Variants in OPCML observed in about 807,000 individuals in gnomAD.
The protein encoded by OPCML is opioid binding protein/cell adhesion molecule like.
OPCML carries 13 observed loss-of-function variants against 37.8 expected under a neutral mutation model. The observed-to-expected ratio is 0.34, with a 90% CI of 0.22 to 0.55. The LOEUF (loss-of-function observed/expected upper bound fraction) is 0.55. Among genes scored for constraint, OPCML ranks in the 20% least tolerant of loss-of-function variants. The pLI is 0.91. For missense variants in OPCML, 341 were observed against 435.6 expected, an observed-to-expected ratio of 0.78 and a Z score of 1.93; for synonymous variants, 176 against 168.8, an observed-to-expected ratio of 1.04 and a Z score of -0.33.
intron 3 of OPCML, among the ~76,000 whole-genome samples, chr11:132,568,523 T>A (rs966387837): frequency 6.6e-6 from 1 of 152,114 alleles, no homozygotes; most frequent in African/African-American, 2.4e-5. Flanking sequence ...AGAGAGAAAT[T>A]TGGATGCAGA....
intron 3 of OPCML, among the ~76,000 whole-genome samples, chr11:132,605,321 G>A (rs374023231): frequency 1.1e-4 from 17 of 152,030 alleles, no homozygotes; most frequent in Middle Eastern, 3.4e-3. Context: ...ACTTTGGGAC[G>A]CCGAGGTGGG....
chr11:132,932,427 T>C (rs969873421), intron 2 of OPCML, among the ~76,000 whole-genome samples: 3 of 152,136 alleles, frequency 2.0e-5, no homozygotes, highest in African/African-American at 7.2e-5. Context: ...CCAAGTATAC[T>C]GATGTGAACC....
intron 1 of OPCML, among the ~76,000 whole-genome samples, chr11:133,496,631 A>G (rs1317695400): frequency 6.6e-6 from 1 of 152,104 alleles, no homozygotes; most frequent in East Asian, 1.9e-4. Flanking sequence ...TGTTAGGTAT[A>G]TTCCTAAGTA....
intron 2 of OPCML, chr11:132,771,732 G>T (rs567200410): frequency 6.6e-6 from 1 of 152,286 alleles, no homozygotes; most frequent in East Asian, 1.9e-4. Flanking sequence ...CAATGAAAAC[G>T]CACAGCATAT....
intron 1 of OPCML, among the ~76,000 whole-genome samples, chr11:133,313,135 C>T (rs1179743350): frequency 6.6e-6 from 1 of 152,184 alleles, no homozygotes; most frequent in East Asian, 1.9e-4. Flanking sequence ...ATGCGGTCTG[C>T]ATCCCCATCG....
intron 2 of OPCML, among the ~76,000 whole-genome samples, chr11:132,827,321 A>G (rs1940408524): frequency 1.3e-5 from 2 of 152,222 alleles, no homozygotes; most frequent in African/African-American, 4.8e-5. Context: ...AATGCTAAAC[A>G]TCATACGTCA....
At position 133,264,850 on chromosome 11, in the gene OPCML, C is replaced by T. The variant is rs191300823; in HGVS notation, c.61+267414G>A. On this transcript the variant is annotated intron_variant, in intron 1 of 7. Coordinates refer to ENST00000524381, the MANE Select transcript of OPCML (RefSeq NM_001012393.5). ...AATAGGGCATAGATCATTAAATAAA[C>T]TAAGTACTTTCGGAGGGAGGGTTCT... Among the ~76,000 whole-genome samples the T allele has an allele frequency of 1.5e-3, 225 of 152,116 alleles. 5 individuals are homozygous for T. The highest frequency in any genetic ancestry group is 0.01 in the Middle Eastern group (3 of 292).
rs1177425418 is a variant in OPCML, at chr11:132,533,520, A to C, written c.380-4334T>G. The stretch of plus-strand genomic sequence containing the variant: ...TAGAAATACCACAGTTATCTTTTAA[A>C]TATCTTGCTTCTGCCTAAAACCTCC... On this transcript the variant is annotated intron_variant, in intron 3 of 7. Transcript: ENST00000524381. Among the ~76,000 whole-genome samples, 4 of 152,216 alleles carry C rather than the reference A, an allele frequency of 2.6e-5. No individual in the cohort carries two copies. The East Asian group carries it at 7.7e-4, about 29-fold the overall frequency.
intron 2 of OPCML, among the ~76,000 whole-genome samples, chr11:132,738,435 G>C (rs1945328802): frequency 6.6e-6 from 1 of 152,204 alleles, no homozygotes; most frequent in Non-Finnish European, 1.5e-5. Context: ...TCTTCCACTA[G>C]TGTAAACTTG....
intron 1 of OPCML, among the ~76,000 whole-genome samples, chr11:133,053,040 C>T: frequency 6.6e-6 from 1 of 152,200 alleles, no homozygotes; most frequent in East Asian, 1.9e-4. Context: ...TGACTAACAA[C>T]AGTTAAGAAT....
intron 1 of OPCML, among the ~76,000 whole-genome samples, chr11:132,971,923 T>C (rs1565374413): frequency 1.3e-5 from 2 of 152,192 alleles, no homozygotes; most frequent in Non-Finnish European, 2.9e-5. Flanking sequence ...TACTTGTACA[T>C]TAACCACCCT....
chr11:133,277,846 A>G (rs1400650115), intron 1 of OPCML, among the ~76,000 whole-genome samples: 1 of 152,142 alleles, frequency 6.6e-6, no homozygotes, highest in Non-Finnish European at 1.5e-5. Context: ...AAACCCCATA[A>G]GATAGGCATT....
chr11:133,024,265 A>C lies in OPCML; in HGVS notation c.62-81255T>G, dbSNP rs545524680. 48 of 847,872 alleles carry C rather than the reference A, an allele frequency of 5.7e-5. 1 individual carries two copies. In the African/African-American group the frequency reaches 7.9e-4, roughly 14 times the overall value. The allele number at this position is 847,872 out of a possible 1,614,324, so 52.5% of individuals were successfully genotyped here. On this transcript the variant is annotated intron_variant, in intron 1 of 7. Coordinates refer to ENST00000524381, the MANE Select transcript of OPCML (RefSeq NM_001012393.5). ...GGGGGGCTGGGGTGAGAAGCGAAGA[A>C]AAAGCTTCTAGAGCAAGCGTGTTGT...
intron 1 of OPCML, among the ~76,000 whole-genome samples, chr11:133,051,854 C>G (rs1948137359): frequency 6.6e-6 from 1 of 152,232 alleles, no homozygotes; most frequent in Non-Finnish European, 1.5e-5. Flanking sequence ...AGATGGACAG[C>G]TCTGCTGCAG....
chr11:133,272,582 G>A lies in OPCML; in HGVS notation c.61+259682C>T, dbSNP rs147685005. On this transcript the variant is annotated intron_variant, in intron 1 of 7. Coordinates refer to ENST00000524381, the MANE Select transcript of OPCML (RefSeq NM_001012393.5). ...AGCCATGCTCCTTCCCCTCTGGGCC[G>A]GCCCGGGGACGCTCGGGGCAGGGTA... Among the ~76,000 whole-genome samples the A allele has an allele frequency of 5.3e-5, 8 of 152,162 alleles. No individual in the cohort carries two copies. In the South Asian group the frequency reaches 1.0e-3, roughly 20 times the overall value.
At chr11:133,058,231 G>C (rs572188204) in intron 1 of OPCML, among the ~76,000 whole-genome samples, 1 of 152,126 alleles carries the variant, frequency 6.6e-6, no homozygotes, top group Non-Finnish European at 1.5e-5. Context: ...TTCTTCCTTG[G>C]TTGCGTAAAG....
At chr11:133,483,795 T>TGATAGATGATA (rs59881013) in intron 1 of OPCML, among the ~76,000 whole-genome samples, 2,070 of 132,412 alleles carry the variant, frequency 0.016, 70 homozygotes, top group African/African-American at 0.06. Flanking sequence ...GATACATAGA[T>TGATAGATGATA]GATAGATAGA....
At chr11:133,198,852 G>A (rs1279166343) in intron 1 of OPCML, among the ~76,000 whole-genome samples, 2 of 152,182 alleles carry the variant, frequency 1.3e-5, no homozygotes, top group Non-Finnish European at 2.9e-5. Flanking sequence ...TGGATTGGGT[G>A]CATATGAACC....
intron 1 of OPCML, among the ~76,000 whole-genome samples, chr11:133,509,259 G>A (rs529280402): frequency 3.9e-5 from 6 of 152,118 alleles, no homozygotes; most frequent in South Asian, 4.2e-4. Context: ...TGTGATGTTC[G>A]CCTCCCTGTG....
Sources: gnomAD v4.1 joint callset for allele counts (sites outside exome capture counted in the v4.1 genomes callset) on GRCh38, gnomAD v4.1.1 for gene constraint, MANE v1.5 for transcripts, NCBI Gene and HGNC (gene_info 2026-07-23, HGNC 2026-07-21) for gene names.